The following LY6S variants were observed in gnomAD, a reference collection of about 807,000 sequenced individuals.
The protein encoded by LY6S is lymphocyte antigen 6S.
At chr8:143,056,259 A>G in the LY6S span, among the ~76,000 whole-genome samples, 32 of 149,064 alleles carry the variant, frequency 2.1e-4, no homozygotes, top group Non-Finnish European at 4.4e-4. Context: ...CCTGAGTCAC[A>G]TCGGGAAACA....
chr8:143,041,989 GC>G, the LY6S span, among the ~76,000 whole-genome samples: 1 of 656 alleles, frequency 1.5e-3, no homozygotes. Flanking sequence ...GGCGTTCTCA[GC>G]CCAGCCCTGA....
chr8:143,046,198 C>G, the LY6S span, among the ~76,000 whole-genome samples: 2 of 152,158 alleles, frequency 1.3e-5, no homozygotes, highest in African/African-American at 4.8e-5. Flanking sequence ...GGCCTGGTGG[C>G]TCACATCTGT....
chr8:143,042,890 G>C, the LY6S span: 13 of 694,312 alleles, frequency 1.9e-5, no homozygotes, highest in Non-Finnish European at 2.3e-5. Flanking sequence ...GGTGTTGTTG[G>C]GGGGCATGGG....
the LY6S span, among the ~76,000 whole-genome samples, chr8:143,055,072 C>A: frequency 6.6e-6 from 1 of 152,336 alleles, no homozygotes; most frequent in African/African-American, 2.4e-5. Flanking sequence ...CCCAGGCAGA[C>A]AAAATGGAAT....
At chr8:143,071,234 C>G in the LY6S span, among the ~76,000 whole-genome samples, 1 of 150,234 alleles carries the variant, frequency 6.7e-6, no homozygotes, top group East Asian at 2.0e-4. Context: ...AGTGAGAAGA[C>G]TTGATGGTGG....
chr8:143,067,916 C>T, the LY6S span, among the ~76,000 whole-genome samples: 1 of 152,200 alleles, frequency 6.6e-6, no homozygotes, highest in African/African-American at 2.4e-5. Context: ...ATAGAACTAA[C>T]GGTCAGCTTT....
At chr8:143,059,849 A>T in the LY6S span, 1 of 152,268 alleles carries the variant, frequency 6.6e-6, no homozygotes, top group South Asian at 2.1e-4. Flanking sequence ...TGAATTGTTC[A>T]TGAGTGTGGG....
chr8:143,055,913 G>A, the LY6S span, among the ~76,000 whole-genome samples: 9 of 151,998 alleles, frequency 5.9e-5, no homozygotes, highest in East Asian at 1.4e-3. Context: ...AACAGGTATC[G>A]AGTTCTCTGA....
the LY6S span, among the ~76,000 whole-genome samples, chr8:143,076,313 C>T: frequency 0.19 from 29,075 of 152,170 alleles, 3,639 homozygotes; most frequent in East Asian, 0.34. Flanking sequence ...CCAATTCTCT[C>T]AGCACCCCCA....
chr8:143,043,177 G>T, the LY6S span: 23 of 1,367,776 alleles, frequency 1.7e-5, no homozygotes, highest in Non-Finnish European at 2.2e-5. Flanking sequence ...TGTACGCACA[G>T]GGCCCAGGGG....
chr8:143,065,783 T>TTTCTTTC, the LY6S span: 4 of 115,224 alleles, frequency 3.5e-5, no homozygotes, highest in South Asian at 5.8e-4. Context: ...CTTTCTTTCT[T>TTTCTTTC]TTTCTTTCTT....
chr8:143,071,155 T>TATAG, the LY6S span, among the ~76,000 whole-genome samples: 1 of 151,686 alleles, frequency 6.6e-6, no homozygotes, highest in African/African-American at 2.4e-5. Flanking sequence ...CGGCATGGAA[T>TATAG]ACAGACTCAG....
At chr8:143,041,409 A>G in the LY6S span, among the ~76,000 whole-genome samples, 1 of 152,196 alleles carries the variant, frequency 6.6e-6, no homozygotes, top group African/African-American at 2.4e-5. Context: ...ACAGGCAACC[A>G]GAGTTTAAGG....
At chr8:143,056,562 A>C in the LY6S span, among the ~76,000 whole-genome samples, 1 of 152,198 alleles carries the variant, frequency 6.6e-6, no homozygotes, top group Admixed American at 6.6e-5. Context: ...CTTACAATAA[A>C]TCTGTAAATC....
At chr8:143,060,661 T>A in the LY6S span, among the ~76,000 whole-genome samples, 1 of 152,126 alleles carries the variant, frequency 6.6e-6, no homozygotes, top group Admixed American at 6.5e-5. Context: ...GCATTCAGGG[T>A]CACTACCGGT....
At chr8:143,051,512 G>A in the LY6S span, among the ~76,000 whole-genome samples, 3 of 152,074 alleles carry the variant, frequency 2.0e-5, no homozygotes, top group East Asian at 3.9e-4. Context: ...TTGCACTCCA[G>A]CCTGGGTGAC....
the LY6S span, chr8:143,043,257 G>A: frequency 2.9e-6 from 4 of 1,362,634 alleles, no homozygotes; most frequent in African/African-American, 1.5e-5. Context: ...GTCCACAACG[G>A]CACTTGTAAG....
the LY6S span, among the ~76,000 whole-genome samples, chr8:143,072,518 G>A: frequency 7.2e-6 from 1 of 138,868 alleles, no homozygotes; most frequent in African/African-American, 2.8e-5. Context: ...TCGTCCTCGG[G>A]ATTCCTGTTT....
chr8:143,076,281 G>C, the LY6S span, among the ~76,000 whole-genome samples: 1 of 152,226 alleles, frequency 6.6e-6, no homozygotes, highest in African/African-American at 2.4e-5. Context: ...AGGGGCCAGA[G>C]TGTGAGGCCC....
Sources: gnomAD v4.1 joint callset for allele counts (sites outside exome capture counted in the v4.1 genomes callset) on GRCh38, gnomAD v4.1.1 for gene constraint, MANE v1.5 for transcripts, NCBI Gene and HGNC (gene_info 2026-07-23, HGNC 2026-07-21) for gene names.